The following CDC16 variants were observed in gnomAD, a reference collection of about 807,000 sequenced individuals.
CDC16 encodes cell division cycle protein 16 homolog.
A neutral mutation model predicts 87.0 loss-of-function variants in CDC16; 34 were observed. That is an observed-to-expected ratio of 0.39 (90% confidence interval 0.30 to 0.52). The LOEUF is 0.52. Ranked by LOEUF, CDC16 falls within the 20% of genes least tolerant of loss-of-function variation. The pLI is 0.74. For missense variants in CDC16, 653 were observed against 751.9 expected (o/e 0.87, Z 1.54); for synonymous variants, 263 against 260.6 (o/e 1.01, Z -0.09).
intron 14 of CDC16, among the ~76,000 whole-genome samples, chr13:114,260,406 G>A (rs2082766456): frequency 6.6e-6 from 1 of 152,228 alleles, no homozygotes; most frequent in South Asian, 2.1e-4. Flanking sequence ...AGTTTTCTAA[G>A]AAGTGACTGC....
Position 114,243,293 on chromosome 13 carries a change from T to C in CDC16, c.578T>C (p.Leu193Pro), listed in dbSNP as rs767630883. ...CTTGAATCACTACCCCTTAGCAAGC[T>C]GTGTAATGAAGAACAGGAATTGCTG... The part of the protein sequence containing the change: ...ELLESLPLSK[L>P]CNEEQELLRF... Residue 193 changes from leucine to proline, a missense_variant, in exon 7 of 18, where the codon CTG becomes CCG. Coordinates refer to ENST00000356221, the MANE Select transcript of CDC16 (RefSeq NM_001078645.3). The C allele has an allele frequency of 3.5e-5, 55 of 1,591,232 alleles. No homozygotes were observed. The East Asian group carries it at 1.0e-3, about 30-fold the overall frequency.
chr13:114,268,791 C>T (rs1292977997), intron 17 of CDC16, among the ~76,000 whole-genome samples: 6 of 152,124 alleles, frequency 3.9e-5, no homozygotes, highest in Non-Finnish European at 5.9e-5. Context: ...CCAGCCTAAG[C>T]AGCAGAGTGA....
chr13:114,235,700 T>G (rs2081215429), intron 1 of CDC16, among the ~76,000 whole-genome samples: 1 of 152,214 alleles, frequency 6.6e-6, no homozygotes, highest in African/African-American at 2.4e-5. Context: ...TATTTTTTGT[T>G]GAAATGCTTG....
intron 8 of CDC16, 35 bp from the exon 9 acceptor site, chr13:114,244,855 G>T (rs2039092): frequency 0.17 from 242,734 of 1,433,454 alleles, 26,979 homozygotes; most frequent in African/African-American, 0.54. Context: ...TCACCTGCTG[G>T]TTTGGGGGTA....
rs796670024 is a variant in CDC16 at position 114,239,009 on chromosome 13, A to G, written c.221A>G (p.Tyr74Cys). Residue 74 changes from tyrosine to cysteine, a missense_variant, in exon 4 of 18, where the codon TAC becomes TGC. By Grantham distance (194) the Tyr-to-Cys change is radical. Coordinates refer to ENST00000356221, the MANE Select transcript of CDC16 (RefSeq NM_001078645.3). ...TCCTAGTTGTATGAAGCATGTCGTT[A>G]CCTTGCAGCTAGGTGCCATGTAAGT... ...KLDKLYEACR[Y>C]LAARCHYAAK... 6.2e-7 allele frequency: 1 copy of G among 1,611,982 alleles called. No homozygotes were observed. Among genetic ancestry groups the G allele is most frequent in the Admixed American group, 1.7e-5 (1 of 59,880 alleles).
At position 114,247,332 on chromosome 13, in the gene CDC16, C is replaced by CT. The variant is rs1164257316; in HGVS notation, c.971+328_971+329insT. 1.1e-4 allele frequency: 21 copies of CT among 199,780 alleles called. No individual in the cohort carries two copies. The South Asian group carries it at 1.3e-3, about 12-fold the overall frequency. The allele number at this position is 199,780 out of a possible 1,614,324, so 12.4% of individuals were successfully genotyped here. A position where few individuals can be genotyped will look rare whatever the true frequency, so the allele number is the denominator to read the frequency against. On this transcript the variant is annotated intron_variant, in intron 11 of 17. Coordinates refer to ENST00000356221, the MANE Select transcript of CDC16 (RefSeq NM_001078645.3). ...CACCACCATGCCTAGCTGATTTAAA[C>CT]ATTTTTTTTTTTTTTTAGTAGAGAC...
chr13:114,246,088 T>G (rs745940569), intron 10 of CDC16, 39 bp downstream of exon 10: 1 of 952,324 alleles, frequency 1.1e-6, no homozygotes, highest in Non-Finnish European at 1.6e-6. Flanking sequence ...TTTTTTTTTT[T>G]ACCTGTACTT....
At position 114,238,765 on chromosome 13, in the gene CDC16, T is replaced by C. The variant is rs1435551633; in HGVS notation, c.202-225T>C. ...TGTTGTGCTTAGTTCACATCTCCCC[T>C]ACTGTAACCTCCTGGGGCAGGGCCT... On this transcript the variant is annotated intron_variant, in intron 3 of 17. Transcript: ENST00000356221. 2.0e-5 allele frequency among the ~76,000 whole-genome samples: 3 copies of C among 152,246 alleles called. No homozygotes were observed. The East Asian group carries it at 5.8e-4, about 29-fold the overall frequency.
At chr13:114,265,373 A>G (rs770931985) in intron 17 of CDC16, 133 bp downstream of exon 17, 2 of 626,022 alleles carry the variant, frequency 3.2e-6, no homozygotes, top group Non-Finnish European at 5.7e-6. Flanking sequence ...CATTAAAAAC[A>G]AGAAACTCCA....
At position 114,242,204 on chromosome 13, in the gene CDC16, A is replaced by G. The variant is rs1313892473; in HGVS notation, c.465A>G (p.Glu155=). ...CCCTGGCTACCTACAGCTACAAAGA[A>G]GCTTTGAAGCTTGATGTCTACTGTT... ...NRTLATYSYK[E]ALKLDVYCFE... is the part of the protein sequence containing the mutation. Residue 155 remains glutamate (E), a synonymous_variant, in exon 6 of 18, where the codon GAA becomes GAG. Transcript: ENST00000356221. The G allele has an allele frequency of 6.2e-7, 1 of 1,613,974 alleles. No homozygotes were observed. Among genetic ancestry groups the G allele is most frequent in the African/African-American group, 1.3e-5 (1 of 74,946 alleles).
At chr13:114,242,956 C>T (rs1025339313) in intron 6 of CDC16, among the ~76,000 whole-genome samples, 3 of 152,120 alleles carry the variant, frequency 2.0e-5, no homozygotes, top group East Asian at 1.9e-4. Flanking sequence ...TACACAGGCT[C>T]CCCTGTTCCC....
At position 114,244,060 on chromosome 13, in the gene CDC16, G is replaced by T; in HGVS notation, c.767+71G>T. On this transcript the variant is annotated intron_variant, in intron 8 of 17. Coordinates refer to ENST00000356221, the MANE Select transcript of CDC16 (RefSeq NM_001078645.3). ...CATCTTACCTAGGTGATTCACGGAC[G>T]TGCTCTCTGAATAATCTTGAACTAG... 4.8e-6 allele frequency: 5 copies of T among 1,048,168 alleles called. No individual in the cohort carries two copies. In the Admixed American group the frequency reaches 6.1e-5, roughly 13 times the overall value. 64.9% of individuals were successfully genotyped at this position (1,048,168 alleles called of 1,614,324 possible).
chr13:114,262,039 T>C (rs1023408867), intron 15 of CDC16, 91 bp downstream of exon 15: 4 of 724,840 alleles, frequency 5.5e-6, no homozygotes, highest in Non-Finnish European at 9.1e-6. Flanking sequence ...TTTCATGAGA[T>C]CAACCAGCTT....
chr13:114,264,929 T>C lies in CDC16; in HGVS notation c.1513-221T>C, dbSNP rs142088898. On this transcript the variant is annotated intron_variant, in intron 16 of 17. Transcript: ENST00000356221. ...AGTCGAGATAGAACTTTTTAAAAAA[T>C]CTTTTTTGGGGTAGATTTCCAGCAT... 8.3e-3 allele frequency: 3,726 copies of C among 449,122 alleles called. 20 individuals are homozygous for C. The highest frequency in any genetic ancestry group is 0.013 in the Non-Finnish European group (3,037 of 242,064). 27.8% of individuals were successfully genotyped at this position (449,122 alleles called of 1,614,324 possible).
intron 10 of CDC16, 102 bp downstream of exon 10, chr13:114,246,151 T>C (rs1393938264): frequency 1.8e-6 from 1 of 568,634 alleles, no homozygotes; most frequent in African/African-American, 2.0e-5. Flanking sequence ...AAGCAAATGA[T>C]GTTTTATTAA....
chr13:114,248,540 A>G (rs2026688), intron 11 of CDC16, among the ~76,000 whole-genome samples: 71,437 of 151,932 alleles, frequency 0.47, 20,005 homozygotes, highest in African/African-American at 0.78. Context: ...AATCAGCTGG[A>G]CATGGTGGCA....
intron 11 of CDC16, among the ~76,000 whole-genome samples, chr13:114,250,302 G>T (rs2082097557): frequency 6.6e-6 from 1 of 152,158 alleles, no homozygotes; most frequent in Non-Finnish European, 1.5e-5. Flanking sequence ...AGACCAGCCT[G>T]ACCGACATGG....
chr13:114,236,812 C>T lies in CDC16; in HGVS notation c.117C>T (p.Asp39=). Residue 39 remains aspartate (D), a synonymous_variant, in exon 3 of 18, where the codon GAC becomes GAT. Coordinates refer to ENST00000356221, the MANE Select transcript of CDC16 (RefSeq NM_001078645.3). ...VASLSREEPQ[D]IYWLAQCLYL... ...TTTTCCCTCCAGAAGAACCCCAGGA[C>T]ATCTATTGGTTGGCTCAGTGTCTTT... The T allele has an allele frequency of 6.2e-7, 1 of 1,613,264 alleles. No homozygotes were observed. Among genetic ancestry groups the T allele is most frequent in the Non-Finnish European group, 8.5e-7 (1 of 1,179,406 alleles).
Position 114,257,081 on chromosome 13 carries a change from T to C in CDC16, c.1101T>C (p.Cys367=). The C allele has an allele frequency of 1.3e-6, 2 of 1,533,166 alleles. No individual in the cohort carries two copies. Among genetic ancestry groups the C allele is most frequent in the Non-Finnish European group, 1.8e-6 (2 of 1,130,152 alleles). 95.0% of individuals were successfully genotyped at this position (1,533,166 alleles called of 1,614,324 possible). Residue 367 remains cysteine, a synonymous_variant, in exon 13 of 18, where the codon TGT becomes TGC. Transcript: ENST00000356221. ...YFTAAQLMKG[C]HLPMLYIGLE... Reference sequence around the variant, plus strand: ...GTGAAATTTTCCAATTTTTTAGGTGTCATTTGCCTATGCTGTATATTGGAT... The same window carrying C: ...GTGAAATTTTCCAATTTTTTAGGTGCCATTTGCCTATGCTGTATATTGGAT...
Sources: gnomAD v4.1 joint callset for allele counts (sites outside exome capture counted in the v4.1 genomes callset) on GRCh38, gnomAD v4.1.1 for gene constraint, MANE v1.5 for transcripts, NCBI Gene and HGNC (gene_info 2026-07-23, HGNC 2026-07-21) for gene names.